Variants in EXOC6B observed in about 807,000 individuals in gnomAD.
EXOC6B encodes the protein exocyst complex component 6B.
EXOC6B carries 54 observed loss-of-function variants against 113.5 expected under a neutral mutation model. That is an observed-to-expected ratio of 0.48 (90% CI 0.38 to 0.60). EXOC6B has a LOEUF of 0.60. Among genes scored for constraint, EXOC6B ranks in the 20% least tolerant of loss-of-function variants. The probability of loss-of-function intolerance (pLI) is 0.00; values close to 1 mark genes in which losing one functional copy is unlikely to be tolerated. For missense variants in EXOC6B, 797 were observed against 977.5 expected (o/e 0.82, Z 2.46); for synonymous variants, 357 against 339.0 (o/e 1.05, Z -0.58).
chr2:72,367,459 T>C (rs1253597323), intron 19 of EXOC6B, among the ~76,000 whole-genome samples: 1 of 152,138 alleles, frequency 6.6e-6, no homozygotes, highest in African/African-American at 2.4e-5. Context: ...TGGAATAAGA[T>C]GGTAGAATAT....
At chr2:72,743,564 G>T (rs943293781) in intron 1 of EXOC6B, among the ~76,000 whole-genome samples, 1 of 151,966 alleles carries the variant, frequency 6.6e-6, no homozygotes, top group Non-Finnish European at 1.5e-5. Context: ...CACCGTCCAT[G>T]ATATGTTGTC....
chr2:72,767,831 A>AAAAAAAAAAAAC, intron 1 of EXOC6B, among the ~76,000 whole-genome samples: 1 of 142,856 alleles, frequency 7.0e-6, no homozygotes, highest in Non-Finnish European at 1.5e-5. Flanking sequence ...AAAAAAAAAA[A>AAAAAAAAAAAAC]AAGACCAAGT....
chr2:72,700,586 T>C (rs939464979), intron 6 of EXOC6B, among the ~76,000 whole-genome samples: 2 of 152,148 alleles, frequency 1.3e-5, no homozygotes, highest in Admixed American at 1.3e-4. Flanking sequence ...TTTGAGAAAA[T>C]GAAAAAGTTC....
chr2:72,423,808 CTG>C (rs1443496244), intron 18 of EXOC6B, among the ~76,000 whole-genome samples: 1 of 152,064 alleles, frequency 6.6e-6, no homozygotes, highest in East Asian at 1.9e-4. Flanking sequence ...TTTTAAGAAA[CTG>C]TTTATCCGTT....
At chr2:72,498,415 C>T (rs199576504) in intron 13 of EXOC6B, 39 bp downstream of exon 13, 1 of 1,415,350 alleles carries the variant, frequency 7.1e-7, no homozygotes, top group African/African-American at 1.4e-5. Context: ...CACTAATGTA[C>T]ATGAACACAC....
intron 6 of EXOC6B, among the ~76,000 whole-genome samples, chr2:72,620,823 C>T (rs1054502021): frequency 2.0e-5 from 3 of 151,630 alleles, no homozygotes; most frequent in Middle Eastern, 3.4e-3. Flanking sequence ...ACAAATAACC[C>T]GATTAAAAAT....
chr2:72,809,736 A>C (rs763328361), intron 1 of EXOC6B, among the ~76,000 whole-genome samples: 2 of 152,214 alleles, frequency 1.3e-5, no homozygotes, highest in Non-Finnish European at 2.9e-5. Flanking sequence ...GCTAATAAAT[A>C]TGTGAAGCAA....
chr2:72,744,336 C>A (rs1681552605), intron 1 of EXOC6B, among the ~76,000 whole-genome samples: 1 of 152,202 alleles, frequency 6.6e-6, no homozygotes, highest in African/African-American at 2.4e-5. Context: ...AATCTGGATT[C>A]ATTCTCCTTC....
chr2:72,336,524 A>G (rs1688696817), intron 19 of EXOC6B, among the ~76,000 whole-genome samples: 1 of 726 alleles, frequency 1.4e-3, no homozygotes, highest in Admixed American at 0.02. Flanking sequence ...GCACAGATGT[A>G]TTAACAATAT....
At position 72,394,005 on chromosome 2, in the gene EXOC6B, C is replaced by T. The variant is rs564982623; in HGVS notation, c.1981-14135G>A. On this transcript the variant is annotated intron_variant, in intron 18 of 21. Coordinates refer to ENST00000272427, the MANE Select transcript of EXOC6B (RefSeq NM_015189.3). The stretch of plus-strand genomic sequence containing the variant: ...TAAATGTGATGCTCTAGAACACTGA[C>T]TTTAACCTTTGTCTCAATTTCCTTA... Among the ~76,000 whole-genome samples the T allele has an allele frequency of 3.8e-4, 58 of 152,270 alleles. 1 individual carries two copies. The highest frequency in any genetic ancestry group is 1.3e-3 in the African/African-American group (54 of 41,562).
chr2:72,594,525 T>C (rs1206454676), intron 6 of EXOC6B, among the ~76,000 whole-genome samples: 1 of 152,174 alleles, frequency 6.6e-6, no homozygotes, highest in Non-Finnish European at 1.5e-5. Flanking sequence ...GCCACCTCCA[T>C]ACTTTGAGTA....
At chr2:72,433,080 T>C (rs1695641516) in intron 18 of EXOC6B, among the ~76,000 whole-genome samples, 1 of 152,226 alleles carries the variant, frequency 6.6e-6, no homozygotes, top group Admixed American at 6.5e-5. Flanking sequence ...TGAGTTAACT[T>C]TTGTATAAGG....
chr2:72,750,312 TAGG>T (rs569554309), intron 1 of EXOC6B, among the ~76,000 whole-genome samples: 6 of 151,904 alleles, frequency 3.9e-5, no homozygotes, highest in Non-Finnish European at 5.9e-5. Flanking sequence ...GCAGGCAAAA[TAGG>T]ATGAAGTTCC....
At chr2:72,184,234 G>C (rs952359488) in intron 20 of EXOC6B, 47 bp from the exon 21 acceptor site, 81 of 971,104 alleles carry the variant, frequency 8.3e-5, no homozygotes, top group Admixed American at 5.9e-4. Context: ...AGACAGACAA[G>C]ACAAACCAAG....
At chr2:72,636,331 G>GGGAAGGAAGGAAGGAAGGAAGGAA (rs1413671048) in intron 6 of EXOC6B, among the ~76,000 whole-genome samples, 43 of 80,864 alleles carry the variant, frequency 5.3e-4, no homozygotes, top group African/African-American at 1.4e-3. Flanking sequence ...GAGGGAAGGA[G>GGGAAGGAAGGAAGGAAGGAAGGAA]GGAAGGAAGG....
At chr2:72,374,181 T>G (rs1209351209) in intron 19 of EXOC6B, among the ~76,000 whole-genome samples, 1 of 152,214 alleles carries the variant, frequency 6.6e-6, no homozygotes, top group East Asian at 1.9e-4. Flanking sequence ...CTGCTAGGTA[T>G]TTATTCAAAT....
Position 72,330,812 on chromosome 2 carries a change from A to G in EXOC6B, c.2196+4135T>C, listed in dbSNP as rs115444955. ...TAGAACTGATGGTTTGCTAGCTCCA[A>G]GTGTAGGCTTCAAGGAGTTTGCGCA... On this transcript the variant is annotated intron_variant, in intron 20 of 21. Transcript: ENST00000272427. 5.3e-3 allele frequency among the ~76,000 whole-genome samples: 801 copies of G among 152,190 alleles called. 2 individuals carry two copies. The highest frequency in any genetic ancestry group is 8.3e-3 in the Non-Finnish European group (567 of 67,974).
intron 20 of EXOC6B, among the ~76,000 whole-genome samples, chr2:72,228,438 C>T (rs1284442886): frequency 2.1e-5 from 3 of 139,968 alleles, no homozygotes; most frequent in Non-Finnish European, 4.6e-5. Context: ...CCACAATAGG[C>T]CCCAGTGTGT....
intron 20 of EXOC6B, among the ~76,000 whole-genome samples, chr2:72,220,524 T>C (rs1054412008): frequency 6.6e-6 from 1 of 152,184 alleles, no homozygotes; most frequent in South Asian, 2.1e-4. Context: ...TCAAAGAAAG[T>C]ACTGTGTGGT....
Sources: allele counts gnomAD v4.1 joint callset (sites outside exome capture counted in the v4.1 genomes callset), GRCh38; gene constraint gnomAD v4.1.1; transcripts MANE v1.5; gene names NCBI Gene and HGNC (gene_info 2026-07-23, HGNC 2026-07-21).